The following PITPNM3 variants were observed in gnomAD, a reference collection of about 807,000 sequenced individuals.
PITPNM3 encodes PITPNM family member 3.
Under a neutral mutation model 102.0 loss-of-function variants are expected in PITPNM3, and 26 were observed. The observed-to-expected ratio is 0.25, with a 90% CI of 0.19 to 0.35. PITPNM3 has a LOEUF of 0.35. Ranked by LOEUF, PITPNM3 falls within the 10% of genes least tolerant of loss-of-function variation. The pLI is 1.00. For synonymous variants in PITPNM3, 578 were observed against 558.6 expected (o/e 1.03, Z -0.49); for missense variants, 1,083 against 1,346.1 (o/e 0.80, Z 3.06).
intron 3 of PITPNM3, among the ~76,000 whole-genome samples, chr17:6,513,674 G>A (rs1345509712): frequency 1.3e-5 from 2 of 152,162 alleles, no homozygotes; most frequent in Non-Finnish European, 2.9e-5. Context: ...GACATCTCAC[G>A]TTCATGGATT....
chr17:6,521,380 C>G (rs1908505072), intron 3 of PITPNM3: 1 of 152,114 alleles, frequency 6.6e-6, no homozygotes, highest in African/African-American at 2.4e-5. Context: ...CAACTGTACT[C>G]CAGCCTGGGT....
chr17:6,504,950 G>A (rs953032457), intron 3 of PITPNM3, among the ~76,000 whole-genome samples: 6 of 152,044 alleles, frequency 3.9e-5, no homozygotes, highest in South Asian at 2.1e-4. Flanking sequence ...AGAGGTGGGC[G>A]GATCACCTGA....
intron 2 of PITPNM3, among the ~76,000 whole-genome samples, chr17:6,534,793 G>T (rs1376381875): frequency 1.3e-5 from 2 of 152,152 alleles, no homozygotes; most frequent in Non-Finnish European, 2.9e-5. Flanking sequence ...AGGTGGGCAG[G>T]GGTGGGGGAT....
chr17:6,555,569 T>C (rs190741170), intron 1 of PITPNM3, among the ~76,000 whole-genome samples: 1 of 152,254 alleles, frequency 6.6e-6, no homozygotes, highest in Non-Finnish European at 1.5e-5. Context: ...CAAGGCACCA[T>C]CGGGCCCAGA....
At chr17:6,463,128 T>C (rs1457392531) in intron 17 of PITPNM3, among the ~76,000 whole-genome samples, 2 of 152,058 alleles carry the variant, frequency 1.3e-5, no homozygotes, top group African/African-American at 4.8e-5. Flanking sequence ...GCCAGCAGTC[T>C]CCCAGGAGCC....
chr17:6,471,283 G>T lies in PITPNM3; in HGVS notation c.1502C>A (p.Ala501Asp). The change falls in exon 12 of 20, where the codon GCC (alanine) becomes GAC (aspartate). Residue 501 changes from alanine to aspartate, a missense_variant. This residue lies in a region of PITPNM3 where 410 missense variants were observed against 638.4 expected (regional missense o/e 0.64). Coordinates refer to ENST00000262483, the MANE Select transcript of PITPNM3 (RefSeq NM_031220.4). ...SSRDSPPLLD[A>D]PASPPQASRF... ...CGAGGCCTGAGGGGGCGAGGCAGGG[G>T]CATCCAGAAGTGGCGGGCTGTCCCG... 1 of 1,613,040 alleles carries T rather than the reference G, an allele frequency of 6.2e-7. No homozygotes were observed. The highest frequency in any genetic ancestry group is 8.5e-7 in the Non-Finnish European group (1 of 1,179,836).
intron 1 of PITPNM3, among the ~76,000 whole-genome samples, chr17:6,544,652 T>TCACA (rs1381269734): frequency 1.4e-3 from 100 of 70,280 alleles, no homozygotes; most frequent in African/African-American, 5.7e-3. Flanking sequence ...TCTCTCTCTC[T>TCACA]CTCACACACA....
intron 3 of PITPNM3, among the ~76,000 whole-genome samples, chr17:6,520,025 TA>T (rs1908419319): frequency 6.6e-6 from 1 of 152,104 alleles, no homozygotes; most frequent in South Asian, 2.1e-4. Context: ...ATAAAAAGGA[TA>T]AACAATCCAA....
intron 14 of PITPNM3, among the ~76,000 whole-genome samples, chr17:6,467,080 C>CAAAAAAAAAAAA (rs752960279): frequency 3.3e-5 from 2 of 60,960 alleles, no homozygotes; most frequent in Admixed American, 2.0e-4. Flanking sequence ...AAAAAAAAAA[C>CAAAAAAAAAAAA]CAAAAAAAAA....
chr17:6,519,181 C>CAAAAAAAAAAAAAAAAACA (rs1490830877), intron 3 of PITPNM3, among the ~76,000 whole-genome samples: 2 of 72,378 alleles, frequency 2.8e-5, no homozygotes, highest in African/African-American at 1.2e-4. Flanking sequence ...ACTAAAAATA[C>CAAAAAAAAAAAAAAAAACA]AAAAAATTAG....
At chr17:6,489,809 G>A (rs1324477521) in intron 4 of PITPNM3, among the ~76,000 whole-genome samples, 3 of 152,106 alleles carry the variant, frequency 2.0e-5, no homozygotes. Flanking sequence ...TTCGAGACCA[G>A]CCTGGCCAAC....
chr17:6,453,356 T>A lies in PITPNM3; in HGVS notation c.*1982A>T, dbSNP rs1913950004. 6.6e-6 allele frequency: 1 copy of A among 152,060 alleles called. No homozygotes were observed. The highest frequency in any genetic ancestry group is 1.9e-4 in the East Asian group (1 of 5,180). 9.4% of individuals were successfully genotyped at this position (152,060 alleles called of 1,614,324 possible). Reference sequence around the variant, plus strand: ...AGGATATTTGGGGGAAGGATTAGGGTTGGGGTGGCTATGCCATATGAGCTG... The same window carrying A: ...AGGATATTTGGGGGAAGGATTAGGGATGGGGTGGCTATGCCATATGAGCTG... On this transcript the variant is annotated 3_prime_UTR_variant, in exon 20 of 20. Coordinates refer to ENST00000262483, the MANE Select transcript of PITPNM3 (RefSeq NM_031220.4).
At chr17:6,522,992 T>C (rs371613748) in intron 3 of PITPNM3, among the ~76,000 whole-genome samples, 123 of 152,304 alleles carry the variant, frequency 8.1e-4, no homozygotes, top group African/African-American at 2.6e-3. Flanking sequence ...TTCTGTCATG[T>C]TGTGGGAATT....
rs1183868125 is a variant in PITPNM3 at position 6,452,408 on chromosome 17, C to T, written c.*2930G>A. 1 of 152,178 alleles carries T rather than the reference C, an allele frequency of 6.6e-6. No homozygotes were observed. Among genetic ancestry groups the T allele is most frequent in the Non-Finnish European group, 1.5e-5 (1 of 68,048 alleles). The allele number at this position is 152,178 out of a possible 1,614,324, so 9.4% of individuals were successfully genotyped here. Reference sequence around the variant, plus strand: ...AACATGCCACGCAAGAAACAAGGAGCTTTGGTCAGGCAGGAAGATCTGTTT... The same window carrying T: ...AACATGCCACGCAAGAAACAAGGAGTTTTGGTCAGGCAGGAAGATCTGTTT... On this transcript the variant is annotated 3_prime_UTR_variant, in exon 20 of 20. Coordinates refer to ENST00000262483, the MANE Select transcript of PITPNM3 (RefSeq NM_031220.4).
Position 6,477,092 on chromosome 17 carries a change from T to G in PITPNM3, c.1022A>C (p.Lys341Thr). 6.2e-7 allele frequency: 1 copy of G among 1,614,118 alleles called. No individual in the cohort carries two copies. ...DEEPKRPLPR[K>T]QSDSSTYDCE... ...GTCATAGGTGGAGGAGTCGCTCTGT[T>G]TCCGCGGCAACGGCCTCTTGGGCTC... is the stretch of plus-strand genomic sequence containing the variant. The change falls in exon 9 of 20, where the codon AAA becomes ACA. Residue 341 changes from lysine (K) to threonine (T), a missense_variant. Transcript: ENST00000262483.
chr17:6,501,938 C>T (rs532610310), intron 4 of PITPNM3, among the ~76,000 whole-genome samples: 1 of 152,164 alleles, frequency 6.6e-6, no homozygotes, highest in Non-Finnish European at 1.5e-5. Context: ...CACTAAAGAC[C>T]CACAGGTAAT....
intron 17 of PITPNM3, 96 bp from the exon 18 acceptor site, chr17:6,461,652 C>T: frequency 7.1e-7 from 1 of 1,407,206 alleles, no homozygotes; most frequent in Non-Finnish European, 1.0e-6. Flanking sequence ...CCTGAGACGT[C>T]AGAGGGACGA....
Position 6,470,181 on chromosome 17 carries a change from T to C in PITPNM3, c.1773+79A>G. 2 of 1,452,884 alleles carry C rather than the reference T, an allele frequency of 1.4e-6. No individual in the cohort carries two copies. Among genetic ancestry groups the C allele is most frequent in the East Asian group, 2.5e-5 (1 of 40,512 alleles). 90.0% of individuals were successfully genotyped at this position (1,452,884 alleles called of 1,614,324 possible). On this transcript the variant is annotated intron_variant, in intron 13 of 19. Coordinates refer to ENST00000262483, the MANE Select transcript of PITPNM3 (RefSeq NM_031220.4). The surrounding 1 kb of genome is among the most constrained non-coding windows in gnomAD (Gnocchi z 4.8). ...AAAAGCTGAACAGTGTCTGCAAGAA[T>C]AGCCTCCTCTCCAGCTGGAGAAGGG...
Position 6,470,216 on chromosome 17 carries a change from C to G in PITPNM3, c.1773+44G>C. ...TCCAGCTGGAGAAGGGGCGGTACCC[C>G]CTTGGGGTGGCTGTGGGCAGGCCCG... On this transcript the variant is annotated intron_variant, in intron 13 of 19. Coordinates refer to ENST00000262483, the MANE Select transcript of PITPNM3 (RefSeq NM_031220.4). This position sits in a 1 kb window ranked among gnomAD's most constrained non-coding sequence, Gnocchi z 4.8. 6.4e-7 allele frequency: 1 copy of G among 1,559,546 alleles called. No homozygotes were observed. The highest frequency in any genetic ancestry group is 8.7e-7 in the Non-Finnish European group (1 of 1,150,126).
Sources: gnomAD v4.1 joint callset for allele counts (sites outside exome capture counted in the v4.1 genomes callset) on GRCh38, gnomAD v4.1.1 for gene constraint, gnomAD v4.1.1 regional missense constraint, Gnocchi (gnomAD v3.1) non-coding constraint, MANE v1.5 for transcripts, NCBI Gene and HGNC (gene_info 2026-07-23, HGNC 2026-07-21) for gene names.